The following MAPK10 variants were observed in gnomAD, a reference collection of about 807,000 sequenced individuals.
MAPK10 encodes the protein mitogen-activated protein kinase 10.
In MAPK10, 25 loss-of-function variants were observed where a neutral mutation model predicts 59.3. That is an observed-to-expected ratio of 0.42 (90% CI 0.31 to 0.59). The LOEUF is 0.59. Ranked by LOEUF, MAPK10 falls within the 20% of genes least tolerant of loss-of-function variation. MAPK10 has a pLI of 0.15. For missense variants in MAPK10, 351 were observed against 568.9 expected, an observed-to-expected ratio of 0.62 and a Z score of 3.90; for synonymous variants, 190 against 200.5, an observed-to-expected ratio of 0.95 and a Z score of 0.44.
intron 11 of MAPK10, among the ~76,000 whole-genome samples, chr4:86,032,953 G>A (rs73833994): frequency 0.029 from 4,359 of 152,132 alleles, 160 homozygotes; most frequent in African/African-American, 0.081. Context: ...CTCAGCAGCC[G>A]TCAGCACTGA....
intron 3 of MAPK10, among the ~76,000 whole-genome samples, chr4:86,178,340 TTTGGTGACTCATTA>T (rs1198804585): frequency 6.6e-6 from 1 of 152,050 alleles, no homozygotes; most frequent in Non-Finnish European, 1.5e-5. Context: ...TGGTTGGATG[TTTGGTGACTCATTA>T]TTGCTTATCT....
chr4:86,343,997 G>A (rs1167303153), intron 2 of MAPK10, among the ~76,000 whole-genome samples: 1 of 152,118 alleles, frequency 6.6e-6, no homozygotes, highest in Admixed American at 6.5e-5. Context: ...GTAAATACCA[G>A]TGGCTACAAC....
chr4:86,209,608 A>T (rs1465282918), intron 2 of MAPK10, among the ~76,000 whole-genome samples: 2 of 151,970 alleles, frequency 1.3e-5, no homozygotes, highest in African/African-American at 2.4e-5. Context: ...TTTTACATTG[A>T]TGAAAGAAAT....
chr4:86,330,032 C>T (rs1372049840), intron 2 of MAPK10, among the ~76,000 whole-genome samples: 2 of 152,096 alleles, frequency 1.3e-5, no homozygotes, highest in East Asian at 3.9e-4. Flanking sequence ...AAAGAGAATA[C>T]ACAGGAATGT....
intron 2 of MAPK10, among the ~76,000 whole-genome samples, chr4:86,287,902 T>C (rs2095078432): frequency 6.6e-6 from 1 of 152,062 alleles, no homozygotes; most frequent in Non-Finnish European, 1.5e-5. Flanking sequence ...GGAAAGAAAA[T>C]CTATATGTGA....
chr4:86,408,300 C>G (rs1564816069), intron 1 of MAPK10, among the ~76,000 whole-genome samples: 1 of 152,188 alleles, frequency 6.6e-6, no homozygotes, highest in East Asian at 1.9e-4. Context: ...CAGTCTATCA[C>G]TGATGGACAT....
intron 13 of MAPK10, among the ~76,000 whole-genome samples, chr4:86,021,725 C>T (rs1325181689): frequency 3.3e-5 from 5 of 152,186 alleles, no homozygotes; most frequent in Non-Finnish European, 7.4e-5. Flanking sequence ...TCAGGCATGG[C>T]GGGCTGCAGG....
chr4:86,125,513 T>A (rs1288820708), intron 4 of MAPK10: 15 of 152,086 alleles, frequency 9.9e-5, no homozygotes, highest in Admixed American at 6.6e-4. Flanking sequence ...ATATAAGTGA[T>A]ATGCTCCCCT....
At chr4:86,146,978 C>T (rs1466654969) in intron 4 of MAPK10, among the ~76,000 whole-genome samples, 1 of 152,144 alleles carries the variant, frequency 6.6e-6, no homozygotes, top group East Asian at 1.9e-4. Context: ...TAATATGAGT[C>T]AGTAACTCAA....
At chr4:86,478,494 T>C (rs1439659095) in intron 1 of MAPK10, among the ~76,000 whole-genome samples, 1 of 152,144 alleles carries the variant, frequency 6.6e-6, no homozygotes, top group East Asian at 1.9e-4. Flanking sequence ...CAAACTATGC[T>C]CAACTCACTC....
intron 2 of MAPK10, among the ~76,000 whole-genome samples, chr4:86,349,676 A>C (rs1463876180): frequency 6.6e-6 from 1 of 152,242 alleles, no homozygotes; most frequent in Non-Finnish European, 1.5e-5. Flanking sequence ...TATGAAATCT[A>C]AAGTGATTCT....
intron 1 of MAPK10, among the ~76,000 whole-genome samples, chr4:86,411,978 C>A (rs1208257633): frequency 6.6e-6 from 1 of 152,144 alleles, no homozygotes; most frequent in Non-Finnish European, 1.5e-5. Flanking sequence ...TTAATTGATG[C>A]AGTTTCTTCA....
chr4:86,026,446 A>G (rs1750277605), intron 13 of MAPK10: 1 of 152,218 alleles, frequency 6.6e-6, no homozygotes, highest in African/African-American at 2.4e-5. Context: ...GAATACAATT[A>G]TTTATTTGGA....
chr4:86,478,126 G>A (rs1753274822), intron 1 of MAPK10, among the ~76,000 whole-genome samples: 1 of 152,156 alleles, frequency 6.6e-6, no homozygotes, highest in African/African-American at 2.4e-5. Context: ...TCCTAGGCAT[G>A]GTTGGATACT....
intron 4 of MAPK10, among the ~76,000 whole-genome samples, chr4:86,135,703 C>T (rs575758072): frequency 3.2e-4 from 48 of 151,946 alleles, no homozygotes; most frequent in Non-Finnish European, 5.6e-4. Flanking sequence ...CTTTGACGAG[C>T]TGAGAGAAGA....
At chr4:86,549,010 ACT>A (rs1759540941) in intron 1 of MAPK10, among the ~76,000 whole-genome samples, 1 of 152,176 alleles carries the variant, frequency 6.6e-6, no homozygotes, top group Admixed American at 6.5e-5. Flanking sequence ...CTGATAATTC[ACT>A]GTTTATTTCA....
intron 11 of MAPK10, chr4:86,031,710 C>T (rs2039059225): frequency 3.1e-6 from 1 of 326,630 alleles, no homozygotes; most frequent in South Asian, 6.0e-5. Context: ...ATTTAGAACC[C>T]ACGCCTAAGC....
intron 2 of MAPK10, among the ~76,000 whole-genome samples, chr4:86,301,782 G>A (rs1428800694): frequency 2.0e-5 from 3 of 152,110 alleles, no homozygotes; most frequent in Non-Finnish European, 4.4e-5. Flanking sequence ...GTTCTCAAAT[G>A]TCTGATATAG....
At chr4:86,446,335 A>G (rs1429917685) in intron 1 of MAPK10, among the ~76,000 whole-genome samples, 1 of 152,202 alleles carries the variant, frequency 6.6e-6, no homozygotes, top group East Asian at 1.9e-4. Flanking sequence ...AGCATTAAAA[A>G]TTCTAAGATA....
Sources: gnomAD v4.1 joint callset for allele counts (sites outside exome capture counted in the v4.1 genomes callset) on GRCh38, gnomAD v4.1.1 for gene constraint, MANE v1.5 for transcripts, NCBI Gene and HGNC (gene_info 2026-07-23, HGNC 2026-07-21) for gene names.